Variants in ADAMTSL1 observed in about 807,000 individuals in gnomAD.
The protein encoded by ADAMTSL1 is ADAMTS like 1, also known as ADAMTS-like protein 1.
ADAMTSL1 carries 126 observed loss-of-function variants against 201.8 expected under a neutral mutation model. The observed-to-expected ratio is 0.62, with a 90% CI of 0.54 to 0.72. The LOEUF is 0.72. Among genes scored for constraint, ADAMTSL1 ranks in the 30% least tolerant of loss-of-function variants. The probability of loss-of-function intolerance (pLI) is 0.00; values close to 1 mark genes in which losing one functional copy is unlikely to be tolerated. For missense variants in ADAMTSL1, 2,679 were observed against 2,277.8 expected (o/e 1.18, Z -3.59); for synonymous variants, 1,121 against 903.4 (o/e 1.24, Z -4.32).
intron 23 of ADAMTSL1, among the ~76,000 whole-genome samples, chr9:18,876,126 T>C (rs1410678900): frequency 1.3e-5 from 2 of 152,284 alleles, no homozygotes; most frequent in African/African-American, 2.4e-5. Flanking sequence ...TAAGTTTATG[T>C]GAGTCCTTAT....
chr9:18,463,368 A>T (rs1587285948), intron 2 of ADAMTSL1, among the ~76,000 whole-genome samples: 2 of 152,174 alleles, frequency 1.3e-5, no homozygotes, highest in African/African-American at 4.8e-5. Flanking sequence ...TTCTTTAAAA[A>T]TTTTTTTGTG....
chr9:18,650,841 G>A (rs1485912328), intron 7 of ADAMTSL1, among the ~76,000 whole-genome samples: 4 of 152,120 alleles, frequency 2.6e-5, no homozygotes, highest in Admixed American at 1.3e-4. Context: ...TACTGGGTGT[G>A]TGACCTTAAG....
At chr9:18,410,152 C>A (rs916654706) in intron 2 of ADAMTSL1, among the ~76,000 whole-genome samples, 1 of 151,706 alleles carries the variant, frequency 6.6e-6, no homozygotes, top group Non-Finnish European at 1.5e-5. Flanking sequence ...TATTAAACAA[C>A]TCCTGGATCT....
chr9:18,675,410 T>G (rs1053336266), intron 9 of ADAMTSL1, among the ~76,000 whole-genome samples: 1 of 152,170 alleles, frequency 6.6e-6, no homozygotes, highest in Non-Finnish European at 1.5e-5. Flanking sequence ...GAAGTACATA[T>G]TCTCCAGCTT....
intron 24 of ADAMTSL1, among the ~76,000 whole-genome samples, chr9:18,888,402 C>G (rs1037860490): frequency 6.6e-6 from 1 of 152,200 alleles, no homozygotes; most frequent in Non-Finnish European, 1.5e-5. Context: ...ACAGAGTAGC[C>G]TGTTTGGTTA....
intron 1 of ADAMTSL1, among the ~76,000 whole-genome samples, chr9:17,920,123 C>T (rs773172587): frequency 2.6e-5 from 4 of 152,164 alleles, no homozygotes; most frequent in Non-Finnish European, 5.9e-5. Flanking sequence ...GAGTTAACAA[C>T]TGCCTTGATT....
intron 1 of ADAMTSL1, among the ~76,000 whole-genome samples, chr9:17,964,520 A>T (rs938792209): frequency 1.3e-5 from 2 of 152,026 alleles, no homozygotes; most frequent in African/African-American, 4.8e-5. Context: ...GTGTCTCGAC[A>T]GTAGTGGCGA....
intron 19 of ADAMTSL1, among the ~76,000 whole-genome samples, chr9:18,787,209 G>C (rs1455835071): frequency 6.6e-6 from 1 of 152,158 alleles, no homozygotes; most frequent in Non-Finnish European, 1.5e-5. Context: ...GATGACAAAT[G>C]TTTTTCCCAG....
At chr9:18,528,708 T>C (rs1377755609) in intron 2 of ADAMTSL1, among the ~76,000 whole-genome samples, 1 of 152,196 alleles carries the variant, frequency 6.6e-6, no homozygotes, top group Non-Finnish European at 1.5e-5. Flanking sequence ...TATATTCTAA[T>C]ACTTATATTT....
At chr9:18,537,088 G>A (rs75585754) in intron 3 of ADAMTSL1, among the ~76,000 whole-genome samples, 3,233 of 152,168 alleles carry the variant, frequency 0.021, 59 homozygotes, top group Non-Finnish European at 0.037. Context: ...CTGTTTTTAA[G>A]ACAACAATAT....
chr9:17,992,509 G>A (rs1819201217), intron 1 of ADAMTSL1, among the ~76,000 whole-genome samples: 1 of 152,136 alleles, frequency 6.6e-6, no homozygotes, highest in Non-Finnish European at 1.5e-5. Flanking sequence ...TATCTGGGAA[G>A]CTGGATGCAG....
At chr9:18,892,329 G>T (rs1829330431) in intron 25 of ADAMTSL1, 60 bp from the exon 26 acceptor site, 1 of 1,516,516 alleles carries the variant, frequency 6.6e-7, no homozygotes, top group East Asian at 2.4e-5. Flanking sequence ...TGGGGAGGAG[G>T]TCTCTTTTCC....
chr9:18,261,058 C>A (rs1260265032), intron 2 of ADAMTSL1, among the ~76,000 whole-genome samples: 1 of 99,218 alleles, frequency 1.0e-5, no homozygotes, highest in South Asian at 3.5e-4. Flanking sequence ...AATGTGTTTC[C>A]TATTAAATGG....
intron 1 of ADAMTSL1, among the ~76,000 whole-genome samples, chr9:18,078,668 C>A (rs1013368481): frequency 2.6e-5 from 4 of 152,108 alleles, no homozygotes; most frequent in Non-Finnish European, 5.9e-5. Flanking sequence ...CTTCTAAGCC[C>A]CTCCAATCGT....
intron 1 of ADAMTSL1, among the ~76,000 whole-genome samples, chr9:18,113,845 T>C (rs754010471): frequency 4.6e-5 from 7 of 152,156 alleles, no homozygotes; most frequent in Non-Finnish European, 7.3e-5. Context: ...AACAACCCTA[T>C]GAGATAAATG....
At chr9:18,258,061 G>C (rs1169140483) in intron 2 of ADAMTSL1, among the ~76,000 whole-genome samples, 1 of 152,192 alleles carries the variant, frequency 6.6e-6, no homozygotes, top group Non-Finnish European at 1.5e-5. Context: ...GCACAACAAT[G>C]TGAATGAACG....
intron 1 of ADAMTSL1, among the ~76,000 whole-genome samples, chr9:17,907,265 C>T (rs757288113): frequency 6.6e-6 from 1 of 152,184 alleles, no homozygotes; most frequent in Non-Finnish European, 1.5e-5. Flanking sequence ...TACCCCCCAC[C>T]CTTTCCGACA....
At chr9:18,067,770 A>G (rs1323366320) in intron 1 of ADAMTSL1, among the ~76,000 whole-genome samples, 1 of 152,108 alleles carries the variant, frequency 6.6e-6, no homozygotes, top group South Asian at 2.1e-4. Context: ...AATAAGATCT[A>G]TGGAGGAAGG....
At chr9:18,168,300 G>A (rs1287375488) in intron 2 of ADAMTSL1, among the ~76,000 whole-genome samples, 2 of 151,840 alleles carry the variant, frequency 1.3e-5, no homozygotes, top group Admixed American at 6.6e-5. Context: ...AAGGGTCCCT[G>A]GTGTGTGATG....
Sources: allele counts gnomAD v4.1 joint callset (sites outside exome capture counted in the v4.1 genomes callset), GRCh38; gene constraint gnomAD v4.1.1; transcripts MANE v1.5; gene names NCBI Gene and HGNC (gene_info 2026-07-23, HGNC 2026-07-21).